DLG2: variants seen among roughly 807,000 people sequenced by gnomAD.
DLG2 encodes disks large homolog 2.
DLG2 carries 45 observed loss-of-function variants against 132.5 expected under a neutral mutation model. The observed-to-expected ratio is 0.34, with a 90% CI of 0.27 to 0.44. The LOEUF (loss-of-function observed/expected upper bound fraction) is 0.44, where lower values mean the gene tolerates loss of function less well. DLG2 is among the 20% of genes least tolerant of loss of function. The probability of loss-of-function intolerance (pLI) is 1.00; values close to 1 mark genes in which losing one functional copy is unlikely to be tolerated. For synonymous variants in DLG2, 424 were observed against 419.6 expected (o/e 1.01, Z -0.13); for missense variants, 1,045 against 1,196.9 (o/e 0.87, Z 1.87).
At chr11:85,465,210 A>G (rs1270776661) in intron 3 of DLG2, among the ~76,000 whole-genome samples, 6 of 147,896 alleles carry the variant, frequency 4.1e-5, no homozygotes, top group African/African-American at 1.5e-4. Flanking sequence ...TGGCACAATC[A>G]TAGCTCACTG....
chr11:85,508,163 G>C (rs1190565115), intron 3 of DLG2, among the ~76,000 whole-genome samples: 1 of 152,052 alleles, frequency 6.6e-6, no homozygotes, highest in Non-Finnish European at 1.5e-5. Flanking sequence ...TCCTCCTTTA[G>C]CTCGGAGAAG....
chr11:84,286,587 T>C (rs985464748), intron 7 of DLG2, among the ~76,000 whole-genome samples: 3 of 152,218 alleles, frequency 2.0e-5, no homozygotes, highest in Admixed American at 2.0e-4. Context: ...ATGAGAATTC[T>C]CTTAAATGGT....
chr11:84,364,571 A>G (rs897321015), intron 7 of DLG2, among the ~76,000 whole-genome samples: 40 of 152,154 alleles, frequency 2.6e-4, no homozygotes, highest in Non-Finnish European at 4.9e-4. Context: ...GTGAGAGAGG[A>G]CATCCCTGTC....
Position 84,184,195 on chromosome 11 carries a change from G to T in DLG2, c.574-20684C>A, listed in dbSNP as rs528965047. On this transcript the variant is annotated intron_variant, in intron 8 of 27. Transcript: ENST00000376104. ...GAACTAGTTTACAGTCCCACCAACA[G>T]TGTAAAAGTGCTCCTATTTCTCCAC... 2.0e-4 allele frequency among the ~76,000 whole-genome samples: 31 copies of T among 152,344 alleles called. No individual in the cohort carries two copies. The East Asian group carries it at 5.0e-3, about 25-fold the overall frequency.
intron 4 of DLG2, among the ~76,000 whole-genome samples, chr11:85,247,797 C>T (rs1345405600): frequency 6.6e-6 from 1 of 152,016 alleles, no homozygotes; most frequent in African/African-American, 2.4e-5. Flanking sequence ...TATAGACTAG[C>T]TCATCATTTT....
rs528937539 is a variant in DLG2, at chr11:83,592,174, C to T, written c.1940+41037G>A. Among the ~76,000 whole-genome samples the T allele has an allele frequency of 3.5e-3, 522 of 150,216 alleles. 2 individuals carry two copies. Among genetic ancestry groups the T allele is most frequent in the African/African-American group, 7.3e-3 (302 of 41,272 alleles). ...GTTCATATGGAACCAAAAAAGAGCCCGCATCGCCAAGGCAATCCTAAGCCA... is the reference window on the plus strand; with the variant it reads ...GTTCATATGGAACCAAAAAAGAGCCTGCATCGCCAAGGCAATCCTAAGCCA... On this transcript the variant is annotated intron_variant, in intron 19 of 27. Coordinates refer to ENST00000376104, the MANE Select transcript of DLG2 (RefSeq NM_001142699.3).
chr11:84,192,590 C>T (rs1349424561), intron 8 of DLG2, among the ~76,000 whole-genome samples: 3 of 151,850 alleles, frequency 2.0e-5, no homozygotes, highest in African/African-American at 7.3e-5. Flanking sequence ...ATTAGCTGGG[C>T]GTGGTGGCAG....
intron 3 of DLG2, among the ~76,000 whole-genome samples, chr11:85,361,089 C>T (rs1044031635): frequency 6.6e-6 from 1 of 152,022 alleles, no homozygotes; most frequent in African/African-American, 2.4e-5. Context: ...TGTACAAGGT[C>T]ACACAATTTG....
chr11:84,158,953 T>C (rs540163783), intron 9 of DLG2, among the ~76,000 whole-genome samples: 2 of 152,304 alleles, frequency 1.3e-5, no homozygotes, highest in East Asian at 1.9e-4. Context: ...ACAACGGCCT[T>C]ATGGGGTAAT....
At chr11:84,241,707 C>T (rs1311075646) in intron 8 of DLG2, among the ~76,000 whole-genome samples, 1 of 152,172 alleles carries the variant, frequency 6.6e-6, no homozygotes, top group East Asian at 1.9e-4. Context: ...GCAGTATTTC[C>T]TACTTTCACC....
rs115327866 is a variant in DLG2 at position 84,254,527 on chromosome 11, A to T, written c.520-3236T>A. On this transcript the variant is annotated intron_variant, in intron 7 of 27. Transcript: ENST00000376104. ...TAAAGTATAGAAGTAGGTATAAAGG[A>T]AAGTAATATATCTTTACGAGCTTTG... Among the ~76,000 whole-genome samples, 1,137 of 152,314 alleles carry T rather than the reference A, an allele frequency of 7.5e-3. 18 individuals are homozygous for T. Among genetic ancestry groups the T allele is most frequent in the African/African-American group, 0.025 (1,037 of 41,574 alleles).
chr11:85,390,960 T>C (rs1191851442), intron 3 of DLG2, among the ~76,000 whole-genome samples: 2 of 151,548 alleles, frequency 1.3e-5, no homozygotes, highest in East Asian at 3.9e-4. Context: ...CTAAATGAAA[T>C]TGAAACAAAA....
intron 3 of DLG2, among the ~76,000 whole-genome samples, chr11:85,332,753 T>G (rs1299188636): frequency 6.6e-6 from 1 of 152,102 alleles, no homozygotes; most frequent in Non-Finnish European, 1.5e-5. Flanking sequence ...CTCTCAAAGA[T>G]CAGATGACTG....
At chr11:85,041,200 G>A (rs887508916) in intron 6 of DLG2, among the ~76,000 whole-genome samples, 2 of 151,836 alleles carry the variant, frequency 1.3e-5, no homozygotes, top group Admixed American at 1.3e-4. Flanking sequence ...TAGCCTTCAT[G>A]GGTATAATAG....
At chr11:85,557,932 T>C (rs1284329409) in intron 3 of DLG2, among the ~76,000 whole-genome samples, 1 of 151,710 alleles carries the variant, frequency 6.6e-6, no homozygotes, top group Non-Finnish European at 1.5e-5. Flanking sequence ...CAAAAGTAAT[T>C]GCAGCAAAAA....
chr11:84,161,265 G>A (rs1037577957), intron 9 of DLG2, among the ~76,000 whole-genome samples: 2 of 152,132 alleles, frequency 1.3e-5, no homozygotes, highest in African/African-American at 4.8e-5. Context: ...GGTAATACAT[G>A]CTAGGTGGGG....
At chr11:84,291,923 C>G (rs1021263106) in intron 7 of DLG2, among the ~76,000 whole-genome samples, 1 of 152,018 alleles carries the variant, frequency 6.6e-6, no homozygotes, top group Non-Finnish European at 1.5e-5. Flanking sequence ...TGGAAAACAC[C>G]CCCTCTATTT....
At chr11:84,797,012 AT>A (rs1304107154) in intron 6 of DLG2, among the ~76,000 whole-genome samples, 1 of 151,414 alleles carries the variant, frequency 6.6e-6, no homozygotes, top group Non-Finnish European at 1.5e-5. Flanking sequence ...CACCTGGCTA[AT>A]TTTTTCTATT....
chr11:83,965,972 G>T (rs2090096514), intron 12 of DLG2, among the ~76,000 whole-genome samples: 1 of 151,988 alleles, frequency 6.6e-6, no homozygotes, highest in Non-Finnish European at 1.5e-5. Context: ...GTTTTCTGCA[G>T]AGCATTATGT....
Sources: allele counts gnomAD v4.1 joint callset (sites outside exome capture counted in the v4.1 genomes callset), GRCh38; gene constraint gnomAD v4.1.1; transcripts MANE v1.5; gene names NCBI Gene and HGNC (gene_info 2026-07-23, HGNC 2026-07-21).